DIS3L2: variants seen among roughly 807,000 people sequenced by gnomAD.
DIS3L2 encodes the protein DIS3 like 3'-5' exoribonuclease 2.
Under a neutral mutation model 97.5 loss-of-function variants are expected in DIS3L2, and 34 were observed. The ratio of observed to expected loss-of-function variants is 0.35; its 90% CI spans 0.27 to 0.46. The LOEUF (loss-of-function observed/expected upper bound fraction) is 0.46, where lower values mean the gene tolerates loss of function less well. DIS3L2 is among the 20% of genes least tolerant of loss of function. The pLI, the probability that DIS3L2 is intolerant of heterozygous loss-of-function variation, is 1.00. For missense variants in DIS3L2, 1,038 were observed against 1,146.0 expected (o/e 0.91, Z 1.36); for synonymous variants, 435 against 445.2 (o/e 0.98, Z 0.29).
chr2:232,314,359 G>A (rs561322875), intron 14 of DIS3L2, among the ~76,000 whole-genome samples: 6 of 151,608 alleles, frequency 4.0e-5, no homozygotes, highest in African/African-American at 1.4e-4. Flanking sequence ...TCCTACATGG[G>A]TTCACAGAAT....
At chr2:232,266,628 C>A (rs1048570742) in intron 13 of DIS3L2, among the ~76,000 whole-genome samples, 20 of 152,124 alleles carry the variant, frequency 1.3e-4, no homozygotes, top group African/African-American at 4.8e-4. Context: ...ATTTATAAAT[C>A]AGCTAAATGG....
At chr2:232,015,234 T>C (rs1382345078) in intron 2 of DIS3L2, among the ~76,000 whole-genome samples, 1 of 152,236 alleles carries the variant, frequency 6.6e-6, no homozygotes, top group African/African-American at 2.4e-5. Flanking sequence ...TTTCAAAAAG[T>C]CTGTGTGTCT....
chr2:232,177,335 G>T (rs1162011549), intron 9 of DIS3L2, among the ~76,000 whole-genome samples: 4 of 144,714 alleles, frequency 2.8e-5, no homozygotes, highest in Non-Finnish European at 6.1e-5. Flanking sequence ...TAATGGGATG[G>T]CTGGGTCAAA....
chr2:232,233,877 G>T (rs1159306433), intron 10 of DIS3L2, among the ~76,000 whole-genome samples: 1 of 152,216 alleles, frequency 6.6e-6, no homozygotes. Context: ...CTTAGTGGTT[G>T]TTCTATAATC....
rs141841139 is a variant in DIS3L2 at position 232,114,277 on chromosome 2, TA to T, written c.602-16339del. 5.9e-4 allele frequency among the ~76,000 whole-genome samples: 74 copies of T among 124,982 alleles called. 1 individual carries two copies. The East Asian group carries it at 0.018, about 30-fold the overall frequency. 82.0% of individuals were successfully genotyped at this position (124,982 alleles called of 152,430 possible). A position where few individuals can be genotyped will look rare whatever the true frequency, so the allele number is the denominator to read the frequency against. ...CTGACTAAGAGCAACAGCGCTGGAA[TA>T]AAGAGGAAATAATAGATGAACAAGA... On this transcript the variant is annotated intron_variant, in intron 6 of 20. Coordinates refer to ENST00000325385, the MANE Select transcript of DIS3L2 (RefSeq NM_152383.5).
At chr2:232,262,472 A>G (rs918310453) in intron 12 of DIS3L2, among the ~76,000 whole-genome samples, 4 of 152,214 alleles carry the variant, frequency 2.6e-5, no homozygotes, top group African/African-American at 7.2e-5. Flanking sequence ...AGTGGTTCTC[A>G]GCCTGGGCCA....
At position 232,261,158 on chromosome 2, in the gene DIS3L2, A is replaced by T. The variant is rs1285173684; in HGVS notation, c.1426-2049A>T. 2.6e-5 allele frequency among the ~76,000 whole-genome samples: 4 copies of T among 152,228 alleles called. No homozygotes were observed. In the East Asian group the frequency reaches 7.7e-4, roughly 29 times the overall value. ...ACTACATAGATTGGGGTTCTGTGATAGTCATGCTCTCAGCTTCCCTCTTCT... is the reference window on the plus strand; with the variant it reads ...ACTACATAGATTGGGGTTCTGTGATTGTCATGCTCTCAGCTTCCCTCTTCT... On this transcript the variant is annotated intron_variant, in intron 12 of 20. Transcript: ENST00000325385.
intron 9 of DIS3L2, among the ~76,000 whole-genome samples, chr2:232,209,308 G>A (rs1400592648): frequency 1.3e-5 from 2 of 152,166 alleles, no homozygotes; most frequent in Non-Finnish European, 1.5e-5. Flanking sequence ...CCAGGCTGGA[G>A]TGCAGTGGCC....
intron 1 of DIS3L2, among the ~76,000 whole-genome samples, chr2:231,985,791 G>T (rs187898524): frequency 6.6e-6 from 1 of 152,180 alleles, no homozygotes; most frequent in African/African-American, 2.4e-5. Flanking sequence ...ATACTGTGAT[G>T]GTTAATATTA....
At chr2:232,138,833 C>T (rs891417530) in intron 8 of DIS3L2, among the ~76,000 whole-genome samples, 1 of 152,104 alleles carries the variant, frequency 6.6e-6, no homozygotes, top group Non-Finnish European at 1.5e-5. Context: ...ACTCCTATAC[C>T]TCTCTCCTTA....
At chr2:232,322,997 G>A (rs969211712) in intron 14 of DIS3L2, among the ~76,000 whole-genome samples, 5 of 152,244 alleles carry the variant, frequency 3.3e-5, no homozygotes, top group Non-Finnish European at 5.9e-5. Context: ...AAGCAGGGCA[G>A]CAAGCAAAGC....
In DIS3L2 at chr2:232,142,558, A is replaced by G. The variant is rs376330281; in HGVS notation, c.950+5839A>G. ...TCAGCTTCCTCTTTGCTTTCTTCAT[A>G]TCAACACCAATTCACTCTTAAATTT... On this transcript the variant is annotated intron_variant, in intron 8 of 20. Transcript: ENST00000325385. Among the ~76,000 whole-genome samples the G allele has an allele frequency of 1.9e-3, 291 of 152,260 alleles. 3 individuals are homozygous for G. The highest frequency in any genetic ancestry group is 0.017 in the Middle Eastern group (5 of 294).
chr2:232,218,483 C>T (rs1692407952), intron 10 of DIS3L2, among the ~76,000 whole-genome samples: 1 of 152,138 alleles, frequency 6.6e-6, no homozygotes, highest in Non-Finnish European at 1.5e-5. Context: ...TGTGGTGGCT[C>T]ACACCTGTAA....
intron 8 of DIS3L2, 49 bp downstream of exon 8, chr2:232,136,768 T>C (rs200720002): frequency 3.3e-4 from 532 of 1,588,636 alleles, no homozygotes; most frequent in Middle Eastern, 8.4e-4. Flanking sequence ...CAGAACTCAG[T>C]TTAGGTGGTC....
At chr2:232,114,644 A>T (rs1256379960) in intron 6 of DIS3L2, among the ~76,000 whole-genome samples, 2 of 152,168 alleles carry the variant, frequency 1.3e-5, no homozygotes, top group Non-Finnish European at 2.9e-5. Flanking sequence ...GAGTAAGTGG[A>T]CTATGATTGA....
At chr2:231,975,659 T>G (rs887454471) in intron 1 of DIS3L2, among the ~76,000 whole-genome samples, 2 of 138,086 alleles carry the variant, frequency 1.4e-5, no homozygotes, top group African/African-American at 5.6e-5. Context: ...GAGCTGAGAT[T>G]GCGCCACTGC....
chr2:232,075,217 G>C (rs1024580065), intron 5 of DIS3L2, among the ~76,000 whole-genome samples: 3 of 152,124 alleles, frequency 2.0e-5, no homozygotes, highest in Non-Finnish European at 4.4e-5. Flanking sequence ...GTGAGATTGT[G>C]ACATGTCTGA....
At chr2:232,023,045 G>C (rs1429141661) in intron 3 of DIS3L2, 2 of 152,120 alleles carry the variant, frequency 1.3e-5, no homozygotes. Flanking sequence ...CTTCTCATCT[G>C]ATTTATTTGC....
rs541138926 is a variant in DIS3L2 at position 232,122,574 on chromosome 2, C to A, written c.602-8045C>A. On this transcript the variant is annotated intron_variant, in intron 6 of 20. Transcript: ENST00000325385. ...TCTACTAAAAAATACAAAAATTAGC[C>A]GGGCGTGGTGGCAGGTGCCTGTAAT... Among the ~76,000 whole-genome samples the A allele has an allele frequency of 3.5e-4, 54 of 152,118 alleles. No individual in the cohort carries two copies. In the South Asian group the frequency reaches 0.011, roughly 32 times the overall value.
Sources: gnomAD v4.1 joint callset for allele counts (sites outside exome capture counted in the v4.1 genomes callset) on GRCh38, gnomAD v4.1.1 for gene constraint, MANE v1.5 for transcripts, NCBI Gene and HGNC (gene_info 2026-07-23, HGNC 2026-07-21) for gene names.